The following POU6F2 variants were observed in gnomAD, a reference collection of about 807,000 sequenced individuals.
The protein encoded by POU6F2 is POU class 6 homeobox 2, also known as POU domain, class 6, transcription factor 2.
POU6F2 carries 31 observed loss-of-function variants against 71.3 expected under a neutral mutation model. That is an observed-to-expected ratio of 0.43 (90% confidence interval 0.33 to 0.59). POU6F2 has a LOEUF of 0.59. POU6F2 is among the 20% of genes least tolerant of loss of function. The pLI is 0.04. For synonymous variants in POU6F2, 347 were observed against 355.7 expected (o/e 0.98, Z 0.27); for missense variants, 783 against 856.8 (o/e 0.91, Z 1.07).
At chr7:39,366,419 CAG>C (rs1313078746) in intron 5 of POU6F2, among the ~76,000 whole-genome samples, 1 of 152,146 alleles carries the variant, frequency 6.6e-6, no homozygotes, top group Non-Finnish European at 1.5e-5. Context: ...CAAGGCATGA[CAG>C]AGAGCCAGGA....
intron 7 of POU6F2, among the ~76,000 whole-genome samples, chr7:39,440,221 G>A (rs771119691): frequency 1.3e-5 from 2 of 152,166 alleles, no homozygotes; most frequent in Non-Finnish European, 2.9e-5. Flanking sequence ...GAATTTGCAT[G>A]TTGGCCTTTC....
chr7:39,380,783 G>T (rs911220556), intron 5 of POU6F2, among the ~76,000 whole-genome samples: 6 of 152,160 alleles, frequency 3.9e-5, no homozygotes, highest in African/African-American at 1.4e-4. Context: ...TCTCTTCACA[G>T]TGATATTTAG....
intron 5 of POU6F2, among the ~76,000 whole-genome samples, chr7:39,401,143 G>A (rs1487689725): frequency 6.6e-6 from 1 of 152,144 alleles, no homozygotes; most frequent in Admixed American, 6.5e-5. Context: ...TGTTTCTCTG[G>A]GGACTCCTTT....
chr7:39,276,946 A>G (rs1784452425), intron 4 of POU6F2, among the ~76,000 whole-genome samples: 1 of 151,612 alleles, frequency 6.6e-6, no homozygotes, highest in African/African-American at 2.4e-5. Context: ...AGATATACCT[A>G]ATGCTAAATG....
intron 2 of POU6F2, among the ~76,000 whole-genome samples, chr7:39,188,575 A>C (rs547391635): frequency 6.6e-6 from 1 of 152,294 alleles, no homozygotes; most frequent in East Asian, 1.9e-4. Flanking sequence ...GGCCCCCCAA[A>C]GTGCTGGGAG....
chr7:39,216,174 T>G (rs73126428), intron 4 of POU6F2, among the ~76,000 whole-genome samples: 15,340 of 152,138 alleles, frequency 0.1, 849 homozygotes, highest in Middle Eastern at 0.15. Flanking sequence ...GAGCACAAAA[T>G]TGGAAACTAT....
At chr7:39,034,972 C>G (rs12667652) in intron 1 of POU6F2, among the ~76,000 whole-genome samples, 49,892 of 151,564 alleles carry the variant, frequency 0.33, 8,827 homozygotes, top group East Asian at 0.73. Flanking sequence ...TATATTCTGT[C>G]TGTTCATCCA....
intron 4 of POU6F2, among the ~76,000 whole-genome samples, chr7:39,213,139 A>G (rs1794176608): frequency 6.6e-6 from 1 of 152,242 alleles, no homozygotes; most frequent in South Asian, 2.1e-4. Flanking sequence ...AGTTAAGTCA[A>G]GCATAACATT....
At chr7:39,163,171 G>C (rs1268402676) in intron 2 of POU6F2, among the ~76,000 whole-genome samples, 1 of 152,166 alleles carries the variant, frequency 6.6e-6, no homozygotes, top group African/African-American at 2.4e-5. Flanking sequence ...ACCTAAGGAA[G>C]TTTTGTGGAC....
At chr7:39,141,172 G>T (rs550684583) in intron 2 of POU6F2, among the ~76,000 whole-genome samples, 1 of 152,188 alleles carries the variant, frequency 6.6e-6, no homozygotes, top group Non-Finnish European at 1.5e-5. Flanking sequence ...TCTTCCTTTT[G>T]CTTGGAAAAG....
At chr7:39,147,688 A>G (rs1792651232) in intron 2 of POU6F2, among the ~76,000 whole-genome samples, 1 of 152,088 alleles carries the variant, frequency 6.6e-6, no homozygotes, top group Admixed American at 6.6e-5. Context: ...GAGAAGTGGG[A>G]AGAGTTGGAT....
chr7:39,150,205 T>C (rs1269031052), intron 2 of POU6F2, among the ~76,000 whole-genome samples: 3 of 147,120 alleles, frequency 2.0e-5, no homozygotes, highest in Non-Finnish European at 4.5e-5. Flanking sequence ...GATTTCCTTT[T>C]TTAAGGCTGA....
At chr7:39,230,694 T>C (rs150064167) in intron 4 of POU6F2, among the ~76,000 whole-genome samples, 96 of 152,058 alleles carry the variant, frequency 6.3e-4, no homozygotes, top group African/African-American at 2.0e-3. Flanking sequence ...AACAGAAATA[T>C]CAGAATTGAT....
intron 5 of POU6F2, among the ~76,000 whole-genome samples, chr7:39,374,547 A>G (rs1786673478): frequency 6.6e-6 from 1 of 152,184 alleles, no homozygotes; most frequent in South Asian, 2.1e-4. Flanking sequence ...ATCCCCATCT[A>G]AAGATATTCA....
At chr7:39,164,895 C>G (rs951664880) in intron 2 of POU6F2, among the ~76,000 whole-genome samples, 1 of 152,156 alleles carries the variant, frequency 6.6e-6, no homozygotes, top group Non-Finnish European at 1.5e-5. Flanking sequence ...TACCCTCATT[C>G]ACTCCATTCC....
At chr7:39,409,879 ATTTTATTACTGCTCC>A (rs1296631738) in intron 6 of POU6F2, among the ~76,000 whole-genome samples, 1 of 152,208 alleles carries the variant, frequency 6.6e-6, no homozygotes, top group Non-Finnish European at 1.5e-5. Context: ...ATATTGAAGA[ATTTTATTACTGCTCC>A]TTTTTTTCCC....
intron 1 of POU6F2, among the ~76,000 whole-genome samples, chr7:39,068,891 T>C (rs940497609): frequency 6.6e-6 from 1 of 152,118 alleles, no homozygotes; most frequent in African/African-American, 2.4e-5. Flanking sequence ...ATTAAAAGCA[T>C]AGATTGCTGA....
chr7:39,399,349 C>G (rs1473257492), intron 5 of POU6F2, among the ~76,000 whole-genome samples: 1 of 152,206 alleles, frequency 6.6e-6, no homozygotes, highest in East Asian at 1.9e-4. Flanking sequence ...TGCTCGGTCC[C>G]ACAAGACTGA....
intron 1 of POU6F2, among the ~76,000 whole-genome samples, chr7:39,077,722 C>G (rs543543757): frequency 6.6e-6 from 1 of 152,118 alleles, no homozygotes; most frequent in African/African-American, 2.4e-5. Context: ...CCTGTTACAC[C>G]GAAGGAAATC....
Sources: allele counts gnomAD v4.1 joint callset (sites outside exome capture counted in the v4.1 genomes callset), GRCh38; gene constraint gnomAD v4.1.1; transcripts MANE v1.5; gene names NCBI Gene and HGNC (gene_info 2026-07-23, HGNC 2026-07-21).